Variants in ARHGEF17 observed in about 807,000 individuals in gnomAD.
ARHGEF17 encodes the protein 164 kDa Rho-specific guanine-nucleotide exchange factor.
Under a neutral mutation model 174.0 loss-of-function variants are expected in ARHGEF17, and 80 were observed. The observed-to-expected ratio is 0.46, with a 90% CI of 0.38 to 0.55. ARHGEF17 has a LOEUF of 0.55. Ranked by LOEUF, ARHGEF17 falls within the 20% of genes least tolerant of loss-of-function variation. The probability of loss-of-function intolerance (pLI) is 0.00; values close to 1 mark genes in which losing one functional copy is unlikely to be tolerated. For missense variants in ARHGEF17, 2,886 were observed against 2,839.7 expected, an observed-to-expected ratio of 1.02 and a Z score of -0.37; for synonymous variants, 1,311 against 1,189.1, an observed-to-expected ratio of 1.10 and a Z score of -2.11.
Position 73,310,477 on chromosome 11 carries a change from C to T in ARHGEF17, c.1839C>T (p.Ser613=), listed in dbSNP as rs758109677. Residue 613 remains serine (S), a synonymous_variant, in exon 1 of 21, where the codon AGC becomes AGT. Coordinates refer to ENST00000263674, the MANE Select transcript of ARHGEF17 (RefSeq NM_014786.4). The stretch of plus-strand genomic sequence containing the variant: ...TGGGTGCCCAACAAGATGATGGAAG[C>T]GATGCCCCCCCTGGAAGCCCTGACT... ...QRMGAQQDDG[S]DAPPGSPDWA... 6 of 1,613,994 alleles carry T rather than the reference C, an allele frequency of 3.7e-6. No homozygotes were observed. The highest frequency in any genetic ancestry group is 1.6e-4 in the Middle Eastern group (1 of 6,062).
At chr11:73,329,707 CT>C (rs1434230180) in intron 1 of ARHGEF17, among the ~76,000 whole-genome samples, 1 of 152,072 alleles carries the variant, frequency 6.6e-6, no homozygotes, top group Non-Finnish European at 1.5e-5. Flanking sequence ...GCCTCATATT[CT>C]TTTTTGTACT....
chr11:73,356,077 A>G (rs1012588478), intron 5 of ARHGEF17, 98 bp from the exon 6 acceptor site: 2 of 1,572,438 alleles, frequency 1.3e-6, no homozygotes, highest in East Asian at 2.3e-5. Context: ...TAGGAAAGAT[A>G]GTCCTCTTTG....
In ARHGEF17 at chr11:73,309,955, T is replaced by C. The variant is rs1402396808; in HGVS notation, c.1317T>C (p.Pro439=). Residue 439 remains proline (P), a synonymous_variant, in exon 1 of 21, where the codon CCT becomes CCC. Transcript: ENST00000263674. ...AGGCTCGAACCCGTGCCAAAGGACC[T>C]GGAGGCACCTCTAGGGCATTGAGGG... ...RSQARTRAKG[P]GGTSRALRDG... is the part of the protein sequence containing the mutation. The C allele has an allele frequency of 5.6e-6, 9 of 1,613,746 alleles. No individual in the cohort carries two copies. The highest frequency in any genetic ancestry group is 7.6e-6 in the Non-Finnish European group (9 of 1,179,996).
Position 73,309,093 on chromosome 11 carries a change from G to T in ARHGEF17, c.455G>T (p.Ser152Ile). 1 of 1,547,006 alleles carries T rather than the reference G, an allele frequency of 6.5e-7. No individual in the cohort carries two copies. Among genetic ancestry groups the T allele is most frequent in the Non-Finnish European group, 8.7e-7 (1 of 1,150,504 alleles). The change falls in exon 1 of 21, where the codon AGC becomes ATC. Residue 152 changes from serine (S) to isoleucine (I), a missense_variant. Physicochemically the swap from Ser to Ile is moderately radical, Grantham distance 142. This residue lies in a region of ARHGEF17 where 1,728 missense variants were observed against 1,461.2 expected (regional missense o/e 1.18). Transcript: ENST00000263674. ...GACTCTGAATCCCCAGGAACGCCCA[G>T]CCCCGACGGTGCCGCGTGGGAGCCT... The part of the protein sequence containing the change: ...SADSESPGTP[S>I]PDGAAWEPPA...
intron 1 of ARHGEF17, among the ~76,000 whole-genome samples, chr11:73,326,003 G>A (rs757865191): frequency 2.0e-5 from 3 of 152,228 alleles, no homozygotes; most frequent in Admixed American, 1.3e-4. Context: ...GATAATTAAC[G>A]CTGAAATAAG....
chr11:73,333,582 A>T (rs1223220401), intron 1 of ARHGEF17, among the ~76,000 whole-genome samples: 1 of 152,174 alleles, frequency 6.6e-6, no homozygotes, highest in African/African-American at 2.4e-5. Flanking sequence ...GCCTGGTGTG[A>T]TGGGAGGGGG....
chr11:73,315,466 CCTT>C (rs1864913024), intron 1 of ARHGEF17, among the ~76,000 whole-genome samples: 2 of 152,184 alleles, frequency 1.3e-5, no homozygotes, highest in African/African-American at 2.4e-5. Flanking sequence ...TTCTAGTCAC[CCTT>C]CTTTCTCCCC....
intron 1 of ARHGEF17, among the ~76,000 whole-genome samples, chr11:73,331,493 G>A (rs1865202512): frequency 6.6e-6 from 1 of 152,174 alleles, no homozygotes. Context: ...TTCCAGGGCT[G>A]TCATTGCCAT....
Position 73,362,702 on chromosome 11 carries a change from C to G in ARHGEF17, c.4964C>G (p.Ala1655Gly). The change falls in exon 14 of 21, where the codon GCC becomes GGC. Residue 1655 changes from alanine (A) to glycine (G), a missense_variant. This residue lies in a region of ARHGEF17 where 476 missense variants were observed against 473.1 expected (regional missense o/e 1.01). Coordinates refer to ENST00000263674, the MANE Select transcript of ARHGEF17 (RefSeq NM_014786.4). The stretch of plus-strand genomic sequence containing the variant: ...CCCTCGGGGACGCTGCAGAGCCAGG[C>G]CAGCCGGTCCACCATCTCCTCCAGC... ...PSPSGTLQSQ[A>G]SRSTISSSFG... 1 of 1,606,336 alleles carries G rather than the reference C, an allele frequency of 6.2e-7. No individual in the cohort carries two copies. The highest frequency in any genetic ancestry group is 8.5e-7 in the Non-Finnish European group (1 of 1,177,676).
intron 1 of ARHGEF17, among the ~76,000 whole-genome samples, chr11:73,333,044 G>C (rs58460917): frequency 0.012 from 1,815 of 152,288 alleles, 41 homozygotes; most frequent in African/African-American, 0.041. Context: ...TTTGTCTTGA[G>C]AACCTAAGCA....
chr11:73,313,463 TG>T (rs2135786305), intron 1 of ARHGEF17, among the ~76,000 whole-genome samples: 1 of 152,292 alleles, frequency 6.6e-6, no homozygotes, highest in South Asian at 2.1e-4. Flanking sequence ...GAAGGTGGGT[TG>T]GGGGTGCTTC....
In ARHGEF17 at chr11:73,309,329, T is replaced by C. The variant is rs1452937841; in HGVS notation, c.691T>C (p.Cys231Arg). 1 of 1,589,190 alleles carries C rather than the reference T, an allele frequency of 6.3e-7. No homozygotes were observed. The highest frequency in any genetic ancestry group is 1.7e-5 in the Admixed American group (1 of 59,318). ...SQPQAGARASCSSSSIAASYP... is the reference protein window; with the variant it reads ...SQPQAGARASRSSSSIAASYP... ...ACCGCAGGCCGGGGCCCGGGCCTCC[T>C]GCTCCTCCTCCTCCATCGCCGCCTC... Residue 231 changes from cysteine to arginine, a missense_variant, in exon 1 of 21, where the codon TGC becomes CGC. This residue lies in a region of ARHGEF17 where 1,728 missense variants were observed against 1,461.2 expected (regional missense o/e 1.18). Transcript: ENST00000263674.
intron 2 of ARHGEF17, among the ~76,000 whole-genome samples, chr11:73,347,609 A>G (rs751469132): frequency 6.6e-6 from 1 of 152,168 alleles, no homozygotes; most frequent in African/African-American, 2.4e-5. Context: ...ACAGAGCACA[A>G]CGCGCTGGTC....
In ARHGEF17 at chr11:73,365,140, A is replaced by G; in HGVS notation, c.5551-250A>G. On this transcript the variant is annotated intron_variant, in intron 18 of 20. Coordinates refer to ENST00000263674, the MANE Select transcript of ARHGEF17 (RefSeq NM_014786.4). This position sits in a 1 kb window ranked among gnomAD's most constrained non-coding sequence, Gnocchi z 4.9. ...CAGGGGGAGGCCAGTGACTGATTTT[A>G]GAACCCTTTAAGCATTGAAGTTCTC... The G allele has an allele frequency of 1.9e-6, 1 of 516,608 alleles. No homozygotes were observed. Among genetic ancestry groups the G allele is most frequent in the Non-Finnish European group, 3.5e-6 (1 of 288,252 alleles). 32.0% of individuals were successfully genotyped at this position (516,608 alleles called of 1,614,324 possible).
intron 1 of ARHGEF17, among the ~76,000 whole-genome samples, chr11:73,317,045 T>A (rs143835536): frequency 2.0e-5 from 3 of 152,110 alleles, no homozygotes; most frequent in Admixed American, 6.5e-5. Context: ...GGCTGGGCAG[T>A]GTGTGAGGGG....
At chr11:73,354,058 A>G (rs752453432) in intron 3 of ARHGEF17, among the ~76,000 whole-genome samples, 6 of 152,250 alleles carry the variant, frequency 3.9e-5, no homozygotes, top group Non-Finnish European at 7.3e-5. Context: ...GTGAAAAATT[A>G]TATCTATTTC....
chr11:73,345,877 G>A (rs879279493), intron 1 of ARHGEF17, among the ~76,000 whole-genome samples: 1 of 152,176 alleles, frequency 6.6e-6, no homozygotes, highest in African/African-American at 2.4e-5. Flanking sequence ...GGAGTCTAGG[G>A]GTCTAGGGCT....
Position 73,309,319 on chromosome 11 carries a change from C to T in ARHGEF17, c.681C>T (p.Ala227=). The T allele has an allele frequency of 1.9e-6, 3 of 1,599,968 alleles. No homozygotes were observed. Among genetic ancestry groups the T allele is most frequent in the Non-Finnish European group, 2.5e-6 (3 of 1,178,292 alleles). The stretch of plus-strand genomic sequence containing the variant: ...TCTTCTCCCAACCGCAGGCCGGGGC[C>T]CGGGCCTCCTGCTCCTCCTCCTCCA... The part of the protein sequence containing the change: ...WHIFSQPQAG[A]RASCSSSSIA... Residue 227 remains alanine (A), a synonymous_variant, in exon 1 of 21, where the codon GCC becomes GCT. Transcript: ENST00000263674.
In ARHGEF17 at chr11:73,363,736, C is replaced by G; in HGVS notation, c.5247-11C>G. The G allele has an allele frequency of 6.2e-7, 1 of 1,613,864 alleles. No individual in the cohort carries two copies. The highest frequency in any genetic ancestry group is 8.5e-7 in the Non-Finnish European group (1 of 1,179,956). ...CAAGCATTTGTCCCAGGTGCATACC[C>G]CGATCCACAGTGTCCACGTGTACCA... is the stretch of plus-strand genomic sequence containing the variant. On this transcript the variant is annotated splice_polypyrimidine_tract_variant and intron_variant, in intron 15 of 20. Transcript: ENST00000263674.
Sources: gnomAD v4.1 joint callset for allele counts (sites outside exome capture counted in the v4.1 genomes callset) on GRCh38, gnomAD v4.1.1 for gene constraint, gnomAD v4.1.1 regional missense constraint, Gnocchi (gnomAD v3.1) non-coding constraint, MANE v1.5 for transcripts, NCBI Gene and HGNC (gene_info 2026-07-23, HGNC 2026-07-21) for gene names.